Variants in MUC17 observed in about 807,000 individuals in gnomAD.
MUC17 encodes the protein mucin 17, cell surface associated.
A neutral mutation model predicts 170.3 loss-of-function variants in MUC17; 190 were observed. That is an observed-to-expected ratio of 1.12 (90% confidence interval 0.99 to 1.26). The LOEUF is 1.26. MUC17 is among the 50% of genes most tolerant of loss of function. The pLI is 0.00. For synonymous variants in MUC17, 2,325 were observed against 2,002.5 expected, an observed-to-expected ratio of 1.16 and a Z score of -4.30; for missense variants, 6,415 against 5,530.0, an observed-to-expected ratio of 1.16 and a Z score of -5.08.
Position 101,039,355 on chromosome 7 carries a change from A to T in MUC17, c.7939A>T (p.Ser2647Cys). Residue 2647 changes from serine to cysteine, a missense_variant, in exon 3 of 13, where the codon AGT becomes TGT. Ser to Cys is a moderately radical substitution (Grantham distance 112). Transcript: ENST00000306151. ...SILVSTMPVA[S>C]SEASTLSTTP... ...ACTTGTCAGCACCATGCCAGTGGCC[A>T]GTTCTGAGGCTAGCACCCTTTCAAC... The T allele has an allele frequency of 6.2e-7, 1 of 1,613,126 alleles. No homozygotes were observed. Among genetic ancestry groups the T allele is most frequent in the Non-Finnish European group, 8.5e-7 (1 of 1,179,474 alleles).
intron 9 of MUC17, 113 bp downstream of exon 9, chr7:101,052,075 A>AT: frequency 4.7e-6 from 6 of 1,270,916 alleles, no homozygotes; most frequent in Non-Finnish European, 6.6e-6. Flanking sequence ...ACTAGGTCCC[A>AT]GCGTCTCCTG....
rs1794955373 is a variant in MUC17 at position 101,051,939 on chromosome 7, G to A, written c.13080G>A (p.Met4360Ile). 1.9e-6 allele frequency: 3 copies of A among 1,613,922 alleles called. No individual in the cohort carries two copies. The highest frequency in any genetic ancestry group is 2.2e-5 in the East Asian group (1 of 44,880). Residue 4360 changes from methionine to isoleucine, a missense_variant, in exon 9 of 13, where the codon ATG (methionine) becomes ATA (isoleucine). Coordinates refer to ENST00000306151, the MANE Select transcript of MUC17 (RefSeq NM_001040105.2). ...SKNCNLGKCQ[M>I]SLSGPQCLCV... ...ACTGTAACCTCGGCAAGTGCCAGATGTCTCTAAGTGGACCTCAGTGCCTGT... is the reference window on the plus strand; with the variant it reads ...ACTGTAACCTCGGCAAGTGCCAGATATCTCTAAGTGGACCTCAGTGCCTGT...
At chr7:101,051,104 G>A (rs1387932480) in intron 7 of MUC17, among the ~76,000 whole-genome samples, 1 of 151,986 alleles carries the variant, frequency 6.6e-6, no homozygotes, top group African/African-American at 2.4e-5. Context: ...GGTGGCTCAC[G>A]CCTGTAATCC....
chr7:101,034,163 C>T lies in MUC17; in HGVS notation c.2747C>T (p.Thr916Ile), dbSNP rs768289873. 1 of 1,584,124 alleles carries T rather than the reference C, an allele frequency of 6.3e-7. No individual in the cohort carries two copies. The highest frequency in any genetic ancestry group is 8.6e-7 in the Non-Finnish European group (1 of 1,163,830). ...PTTSEGTSMPTSTPGEGSTPL... is the reference protein window; with the variant it reads ...PTTSEGTSMPISTPGEGSTPL... ...ACTTCTGAAGGTACCAGCATGCCAA[C>T]CTCAACTCCTGGGGAAGGAAGCACT... Residue 916 changes from threonine to isoleucine, a missense_variant, in exon 3 of 13, where the codon ACC (threonine) becomes ATC (isoleucine). Physicochemically the swap from Thr to Ile is moderately conservative, Grantham distance 89. Coordinates refer to ENST00000306151, the MANE Select transcript of MUC17 (RefSeq NM_001040105.2).
chr7:101,056,317 TTTC>T (rs376018890), intron 12 of MUC17, 47 bp downstream of exon 12: 220 of 1,606,710 alleles, frequency 1.4e-4, no homozygotes, highest in Non-Finnish European at 1.8e-4. Flanking sequence ...ACCCTGCGAC[TTTC>T]TTCTTCTCCT....
rs901467856 is a variant in MUC17 at position 101,058,130 on chromosome 7, G to C, written c.*86G>C. 1.5e-5 allele frequency: 18 copies of C among 1,208,606 alleles called. No individual in the cohort carries two copies. Among genetic ancestry groups the C allele is most frequent in the Non-Finnish European group, 2.2e-5 (18 of 815,092 alleles). The allele number at this position is 1,208,606 out of a possible 1,614,324, so 74.9% of individuals were successfully genotyped here. On this transcript the variant is annotated 3_prime_UTR_variant, in exon 13 of 13. Transcript: ENST00000306151. ...ATTTTCCCATTGAGAGCCTTCCATG[G>C]GAACTCAATGTTCCCATTGTAAGTA...
chr7:101,035,169 C>G lies in MUC17; in HGVS notation c.3753C>G (p.Thr1251=), dbSNP rs372499793. Reference sequence around the variant, plus strand: ...CCGTTGACACCAGCACACCTGTGACCACTTCTGCTGAAACCAGTTCCTCTC... The same window carrying G: ...CCGTTGACACCAGCACACCTGTGACGACTTCTGCTGAAACCAGTTCCTCTC... ...TSPVDTSTPV[T]TSAETSSSPT... The change falls in exon 3 of 13, where the codon ACC becomes ACG. Residue 1251 remains threonine (T), a synonymous_variant. Coordinates refer to ENST00000306151, the MANE Select transcript of MUC17 (RefSeq NM_001040105.2). 2 of 1,610,650 alleles carry G rather than the reference C, an allele frequency of 1.2e-6. No individual in the cohort carries two copies. Among genetic ancestry groups the G allele is most frequent in the African/African-American group, 2.7e-5 (2 of 74,648 alleles).
At position 101,036,863 on chromosome 7, in the gene MUC17, G is replaced by T. The variant is rs1245211082; in HGVS notation, c.5447G>T (p.Ser1816Ile). ...ACTCCATTAACAAGCACACCTGTCA[G>T]CCACACGCTGGTGGCCAATTCTGAG... is the stretch of plus-strand genomic sequence containing the variant. ...GMTPLTSTPV[S>I]HTLVANSEAS... The change falls in exon 3 of 13, where the codon AGC becomes ATC. Residue 1816 changes from serine to isoleucine, a missense_variant. Transcript: ENST00000306151. 1 of 1,608,196 alleles carries T rather than the reference G, an allele frequency of 6.2e-7. No individual in the cohort carries two copies.
intron 11 of MUC17, among the ~76,000 whole-genome samples, chr7:101,055,264 A>T (rs1795026530): frequency 6.6e-6 from 1 of 152,190 alleles, no homozygotes; most frequent in Non-Finnish European, 1.5e-5. Context: ...TTTAAAAAAA[A>T]ATCTAGGTAT....
At chr7:101,045,518 C>T (rs1794824597) in intron 3 of MUC17, among the ~76,000 whole-genome samples, 2 of 152,100 alleles carry the variant, frequency 1.3e-5, no homozygotes, top group South Asian at 4.2e-4. Context: ...CTCAACCTCC[C>T]AAGTAGCTGG....
intron 1 of MUC17, among the ~76,000 whole-genome samples, chr7:101,029,611 T>A (rs1794241855): frequency 6.6e-6 from 1 of 151,940 alleles, no homozygotes; most frequent in African/African-American, 2.4e-5. Flanking sequence ...ATTATTATTA[T>A]TTTTTGAGAC....
At chr7:101,052,325 A>G (rs1452855396) in intron 9 of MUC17, among the ~76,000 whole-genome samples, 1 of 152,212 alleles carries the variant, frequency 6.6e-6, no homozygotes, top group Admixed American at 6.5e-5. Context: ...TTACACACCC[A>G]TATGGGGAGT....
At chr7:101,051,513 T>C (rs1383264961) in intron 7 of MUC17, 100 bp from the exon 8 acceptor site, 2 of 1,163,386 alleles carry the variant, frequency 1.7e-6, no homozygotes, top group African/African-American at 3.1e-5. Flanking sequence ...CACCTCCCCA[T>C]CGCAGCCCAC....
chr7:101,020,887 T>A (rs1794064613), intron 1 of MUC17, among the ~76,000 whole-genome samples: 1 of 152,086 alleles, frequency 6.6e-6, no homozygotes, highest in Admixed American at 6.5e-5. Context: ...GCAGGAGGGA[T>A]GACAGTGGGT....
In MUC17 at chr7:101,032,696, C is replaced by A. The variant is rs775022503; in HGVS notation, c.1280C>A (p.Ala427Asp). ...GACTCCAAAACTTTTGTGACCACTG[C>A]TAGTGAAGCCAGCTCATCTCCCACA... ...PVDSKTFVTT[A>D]SEASSSPTTA... The change falls in exon 3 of 13, where the codon GCT becomes GAT. Residue 427 changes from alanine to aspartate, a missense_variant. By Grantham distance (126) the Ala-to-Asp change is moderately radical. Coordinates refer to ENST00000306151, the MANE Select transcript of MUC17 (RefSeq NM_001040105.2). 20 of 1,576,788 alleles carry A rather than the reference C, an allele frequency of 1.3e-5. No individual in the cohort carries two copies. Among genetic ancestry groups the A allele is most frequent in the Non-Finnish European group, 1.7e-5 (20 of 1,154,570 alleles).
At chr7:101,048,745 A>G in intron 4 of MUC17, 100 bp from the exon 5 acceptor site, 2 of 1,368,618 alleles carry the variant, frequency 1.5e-6, no homozygotes, top group Non-Finnish European at 2.0e-6. Context: ...AAATTTTACC[A>G]TAAAATACAA....
At chr7:101,027,006 A>G (rs1194682963) in intron 1 of MUC17, among the ~76,000 whole-genome samples, 2 of 152,030 alleles carry the variant, frequency 1.3e-5, no homozygotes, top group Non-Finnish European at 2.9e-5. Flanking sequence ...GTGAGCCATC[A>G]TGCCTGGCCT....
intron 3 of MUC17, among the ~76,000 whole-genome samples, chr7:101,044,037 G>A (rs1794790708): frequency 6.6e-6 from 1 of 152,104 alleles, no homozygotes; most frequent in Admixed American, 6.5e-5. Context: ...TCCCTGCCCT[G>A]TGTCCAAGTG....
At position 101,048,050 on chromosome 7, in the gene MUC17, A is replaced by T; in HGVS notation, c.12470A>T (p.Lys4157Met). Residue 4157 changes from lysine to methionine, a missense_variant, in exon 4 of 13, where the codon AAG becomes ATG. By Grantham distance (95) the Lys-to-Met change is moderately conservative. Transcript: ENST00000306151. ...AATGGAGGCACCTGGGATGGGCTCA[A>T]GTGCCAGTGTCCCAACCTCTATTAT... The part of the protein sequence containing the change: ...CKNGGTWDGL[K>M]CQCPNLYYGE... The T allele has an allele frequency of 6.2e-7, 1 of 1,608,412 alleles. No individual in the cohort carries two copies. The highest frequency in any genetic ancestry group is 8.5e-7 in the Non-Finnish European group (1 of 1,177,604).
Sources: allele counts gnomAD v4.1 joint callset (sites outside exome capture counted in the v4.1 genomes callset), GRCh38; gene constraint gnomAD v4.1.1; transcripts MANE v1.5; gene names NCBI Gene and HGNC (gene_info 2026-07-23, HGNC 2026-07-21).